The following FHL2 variants were observed in gnomAD, a reference collection of about 807,000 sequenced individuals.
FHL2 encodes the protein four and a half LIM domains 2, also known as four and a half LIM domains protein 2.
FHL2 carries 20 observed loss-of-function variants against 32.7 expected under a neutral mutation model. The observed-to-expected ratio is 0.61, with a 90% CI of 0.43 to 0.89. The LOEUF (loss-of-function observed/expected upper bound fraction) is 0.89, where lower values mean the gene tolerates loss of function less well. Ranked by LOEUF, FHL2 falls within the 40% of genes least tolerant of loss-of-function variation. The pLI is 0.00. For missense variants in FHL2, 311 were observed against 358.6 expected (o/e 0.87, Z 1.07); for synonymous variants, 123 against 128.1 (o/e 0.96, Z 0.27).
chr2:105,383,478 C>T (rs147145036), intron 3 of FHL2, among the ~76,000 whole-genome samples: 100 of 152,298 alleles, frequency 6.6e-4, no homozygotes, highest in Non-Finnish European at 1.2e-3. Context: ...AGAGGATGTT[C>T]AAACTATATA....
At chr2:105,389,628 C>T (rs1292705976) in intron 2 of FHL2, among the ~76,000 whole-genome samples, 1 of 152,158 alleles carries the variant, frequency 6.6e-6, no homozygotes, top group African/African-American at 2.4e-5. Context: ...CTGAAGCCCA[C>T]GCATATTTAT....
intron 1 of FHL2, among the ~76,000 whole-genome samples, chr2:105,435,338 A>G (rs1017267160): frequency 1.3e-5 from 2 of 152,100 alleles, no homozygotes; most frequent in African/African-American, 2.4e-5. Context: ...TAACCATTTC[A>G]TCTTCCTACA....
intron 3 of FHL2, among the ~76,000 whole-genome samples, chr2:105,382,044 G>A (rs1391313293): frequency 3.3e-5 from 5 of 152,168 alleles, no homozygotes; most frequent in African/African-American, 9.6e-5. Flanking sequence ...GAAAACCTTC[G>A]TCTCCTATTT....
At chr2:105,397,200 G>C (rs981151104) in intron 1 of FHL2, among the ~76,000 whole-genome samples, 3 of 152,108 alleles carry the variant, frequency 2.0e-5, no homozygotes, top group Non-Finnish European at 4.4e-5. Context: ...GGTGCGTTTA[G>C]TGGTTAGAAC....
In FHL2 at chr2:105,373,704, ATGCCAG is replaced by A; in HGVS notation, c.180_185del (p.Trp61_His62del). ...ACTGCGAGCAGTGGAAACAGGCTTCATGCCAGTGCCGGTCCTTGTAAGACAAGTCCT... is the reference window on the plus strand; with the variant it reads ...ACTGCGAGCAGTGGAAACAGGCTTCATGCCGGTCCTTGTAAGACAAGTCCT... On this transcript the variant is annotated inframe_deletion, in exon 4 of 7. Transcript: ENST00000530340. 6.2e-7 allele frequency: 1 copy of A among 1,614,168 alleles called. No individual in the cohort carries two copies. The highest frequency in any genetic ancestry group is 8.5e-7 in the Non-Finnish European group (1 of 1,180,034).
At position 105,363,341 on chromosome 2, in the gene FHL2, T is replaced by C. The variant is rs751652242; in HGVS notation, c.632A>G (p.Asn211Ser). Reference protein sequence around the residue: ...TARDDFAYCLNCFCDLYAKKC... With the variant: ...TARDDFAYCLSCFCDLYAKKC... ...CTTGGCATACAAGTCACAGAAGCAG[T>C]TCAGGCAGTAGGCAAAGTCATCGCG... Residue 211 changes from asparagine (N) to serine (S), a missense_variant, in exon 6 of 7, where the codon AAC becomes AGC. Physicochemically the swap from Asn to Ser is conservative, Grantham distance 46. Transcript: ENST00000530340. 6.2e-7 allele frequency: 1 copy of C among 1,614,130 alleles called. No homozygotes were observed. The highest frequency in any genetic ancestry group is 8.5e-7 in the Non-Finnish European group (1 of 1,180,018).
chr2:105,422,709 T>C (rs974381970), intron 1 of FHL2, among the ~76,000 whole-genome samples: 10 of 151,968 alleles, frequency 6.6e-5, no homozygotes, highest in African/African-American at 2.4e-4. Flanking sequence ...GTCTGGAGTT[T>C]AATACTGCCA....
chr2:105,434,381 G>A (rs903053932), intron 1 of FHL2, among the ~76,000 whole-genome samples: 10 of 152,180 alleles, frequency 6.6e-5, no homozygotes, highest in African/African-American at 2.4e-4. Flanking sequence ...AGACCAGCCT[G>A]GCCAACATGG....
chr2:105,380,466 T>C (rs1681809439), intron 3 of FHL2, among the ~76,000 whole-genome samples: 1 of 152,192 alleles, frequency 6.6e-6, no homozygotes, highest in Admixed American at 6.5e-5. Flanking sequence ...TGGCCTTAAG[T>C]GATCCTCCTG....
rs746571039 is a variant in FHL2, at chr2:105,367,535, A to C, written c.501+35T>G. ...CATGGACCATGGAGGCAAACCAGCC[A>C]GAACGTGCAAGGGCCAAGGGGGCAT... is the stretch of plus-strand genomic sequence containing the variant. On this transcript the variant is annotated intron_variant, in intron 5 of 6. Transcript: ENST00000530340. 2 of 1,572,114 alleles carry C rather than the reference A, an allele frequency of 1.3e-6. 1 individual carries two copies. Among genetic ancestry groups the C allele is most frequent in the South Asian group, 2.4e-5 (2 of 84,686 alleles).
At chr2:105,427,743 T>A (rs1684308114) in intron 1 of FHL2, among the ~76,000 whole-genome samples, 1 of 152,180 alleles carries the variant, frequency 6.6e-6, no homozygotes, top group African/African-American at 2.4e-5. Context: ...CCATTGTGCT[T>A]ACAGCTAAGG....
At chr2:105,414,635 C>T (rs1008995606) in intron 1 of FHL2, among the ~76,000 whole-genome samples, 1 of 152,236 alleles carries the variant, frequency 6.6e-6, no homozygotes, top group African/African-American at 2.4e-5. Flanking sequence ...TCACTGCAAC[C>T]TCTGTCTCCT....
At chr2:105,415,472 T>A (rs1023115772) in intron 1 of FHL2, among the ~76,000 whole-genome samples, 10 of 152,240 alleles carry the variant, frequency 6.6e-5, no homozygotes, top group Non-Finnish European at 5.9e-5. Context: ...TGTTAATAAC[T>A]AAAATAATAT....
chr2:105,419,302 C>T (rs190234965), intron 1 of FHL2, among the ~76,000 whole-genome samples: 97 of 152,218 alleles, frequency 6.4e-4, no homozygotes, highest in African/African-American at 2.1e-3. Context: ...TGGGTGCACC[C>T]GTCACCCAAG....
At chr2:105,375,537 C>A (rs1681412148) in intron 3 of FHL2, 1 of 152,384 alleles carries the variant, frequency 6.6e-6, no homozygotes, top group South Asian at 2.1e-4. Context: ...ACTTGGGAAG[C>A]TGAGGCAGGA....
intron 1 of FHL2, among the ~76,000 whole-genome samples, chr2:105,407,740 C>CA (rs1457062699): frequency 6.6e-6 from 1 of 152,154 alleles, no homozygotes; most frequent in Non-Finnish European, 1.5e-5. Context: ...GCTTCTCTCT[C>CA]AGAGTCCAGC....
chr2:105,413,730 T>C (rs1683859439), intron 1 of FHL2, among the ~76,000 whole-genome samples: 1 of 152,196 alleles, frequency 6.6e-6, no homozygotes, highest in African/African-American at 2.4e-5. Flanking sequence ...TTGTCTTTCT[T>C]TGGCTTCCCA....
rs1283860422 is a variant in FHL2 at position 105,361,013 on chromosome 2, A to G, written c.*270T>C. 3.2e-6 allele frequency: 1 copy of G among 314,510 alleles called. No individual in the cohort carries two copies. 19.5% of individuals were successfully genotyped at this position (314,510 alleles called of 1,614,324 possible). On this transcript the variant is annotated 3_prime_UTR_variant, in exon 7 of 7. Transcript: ENST00000530340. ...GAAAGATTTATAAAGGCATCATTCAAAAGGATTTTTACATTTGGGTGTGCC... is the reference window on the plus strand; with the variant it reads ...GAAAGATTTATAAAGGCATCATTCAGAAGGATTTTTACATTTGGGTGTGCC...
chr2:105,373,959 C>T (rs1215252250), intron 3 of FHL2: 3 of 567,194 alleles, frequency 5.3e-6, no homozygotes, highest in Non-Finnish European at 9.5e-6. Flanking sequence ...GACAGATGTG[C>T]ATGTATGCAC....
Sources: gnomAD v4.1 joint callset for allele counts (sites outside exome capture counted in the v4.1 genomes callset) on GRCh38, gnomAD v4.1.1 for gene constraint, MANE v1.5 for transcripts, NCBI Gene and HGNC (gene_info 2026-07-23, HGNC 2026-07-21) for gene names.